The following FGF13 variants were observed in gnomAD, a reference collection of about 807,000 sequenced individuals.
FGF13 encodes fibroblast growth factor 13.
A neutral mutation model predicts 19.5 loss-of-function variants in FGF13; 2 were observed. That is an observed-to-expected ratio of 0.10 (90% CI 0.04 to 0.32). The LOEUF (loss-of-function observed/expected upper bound fraction) is 0.32. FGF13 is among the 10% of genes least tolerant of loss of function. FGF13 has a pLI of 1.00. For synonymous variants in FGF13, 72 were observed against 76.9 expected (o/e 0.94, Z 0.33); for missense variants, 113 against 192.7 (o/e 0.59, Z 2.45).
At chrX:138,916,140 C>G in intron 1 of FGF13, among the ~76,000 whole-genome samples, 1 of 111,753 alleles carries the variant, frequency 8.9e-6, no homozygotes, top group Non-Finnish European at 1.9e-5. Flanking sequence ...AACATCTGTT[C>G]CATAATTCGC....
At chrX:138,770,458 C>A (rs187302744) in intron 3 of FGF13, among the ~76,000 whole-genome samples, 1 of 110,994 alleles carries the variant, frequency 9.0e-6, no homozygotes, top group Non-Finnish European at 1.9e-5. Flanking sequence ...CTTCCACCCC[C>A]TCTTGACTCA....
chrX:138,806,290 AG>A (rs1165926237), intron 3 of FGF13: 1 of 112,410 alleles, frequency 8.9e-6, no homozygotes, highest in Non-Finnish European at 1.9e-5. Context: ...TAGTCATATT[AG>A]GAGCGTGAAT....
chrX:138,996,995 T>C (rs1355532245), intron 1 of FGF13, among the ~76,000 whole-genome samples: 1 of 111,959 alleles, frequency 8.9e-6, no homozygotes, highest in Non-Finnish European at 1.9e-5. Context: ...CAGGCAGCAA[T>C]AGTTGCTGTT....
intron 1 of FGF13, among the ~76,000 whole-genome samples, chrX:139,140,295 A>G (rs758227349): frequency 9.0e-6 from 1 of 111,557 alleles, no homozygotes; most frequent in Admixed American, 9.5e-5. Context: ...AATAAATGAC[A>G]TCACCCCAGT....
At chrX:138,954,095 CGAGAGAGA>C (rs199755534) in intron 1 of FGF13, among the ~76,000 whole-genome samples, 1 of 94,170 alleles carries the variant, frequency 1.1e-5, no homozygotes, top group African/African-American at 3.9e-5. Context: ...GTAAATTTAA[CGAGAGAGA>C]GAGAGAGAGA....
intron 1 of FGF13, among the ~76,000 whole-genome samples, chrX:139,047,726 A>G (rs758172056): frequency 8.9e-6 from 1 of 112,090 alleles, no homozygotes; most frequent in East Asian, 2.8e-4. Context: ...TCCACTTTTC[A>G]TAGTACCTAG....
At chrX:139,090,154 G>A in intron 1 of FGF13, among the ~76,000 whole-genome samples, 1 of 112,031 alleles carries the variant, frequency 8.9e-6, no homozygotes, top group Non-Finnish European at 1.9e-5. Context: ...GCTATAATGT[G>A]TCAAGCACCA....
At chrX:139,129,763 T>C (rs1192836042) in intron 1 of FGF13, among the ~76,000 whole-genome samples, 3 of 111,303 alleles carry the variant, frequency 2.7e-5, no homozygotes, top group Non-Finnish European at 5.7e-5. Context: ...AGATCCTTTA[T>C]TTGCTTGAAA....
intron 1 of FGF13, among the ~76,000 whole-genome samples, chrX:139,079,224 G>A (rs2083353456): frequency 9.0e-6 from 1 of 111,323 alleles, no homozygotes; most frequent in Admixed American, 9.6e-5. Context: ...CTATTTTACA[G>A]GCTGGCATTA....
intron 1 of FGF13, among the ~76,000 whole-genome samples, chrX:138,972,488 C>G (rs1202190416): frequency 1.9e-5 from 2 of 107,706 alleles, no homozygotes; most frequent in Non-Finnish European, 3.8e-5. Flanking sequence ...TTCCGAGTAG[C>G]TGGGACTACA....
At chrX:138,789,343 ATT>A (rs762868458) in intron 3 of FGF13, among the ~76,000 whole-genome samples, 20 of 75,584 alleles carry the variant, frequency 2.6e-4, no homozygotes, top group Admixed American at 2.9e-4. Context: ...TAATTTCCGT[ATT>A]TTTTTTTTTT....
chrX:139,156,127 T>C (rs1449845176), intron 1 of FGF13, among the ~76,000 whole-genome samples: 1 of 112,297 alleles, frequency 8.9e-6, no homozygotes, highest in Non-Finnish European at 1.9e-5. Context: ...ATGATGAACA[T>C]AAAATTGTTT....
intron 1 of FGF13, among the ~76,000 whole-genome samples, chrX:138,898,740 A>G (rs1220287058): frequency 1.8e-5 from 2 of 111,976 alleles, no homozygotes; most frequent in African/African-American, 6.5e-5. Context: ...TTCTTTTAAC[A>G]TCTTCATAAA....
chrX:138,753,771 G>A (rs1431076685), intron 3 of FGF13, among the ~76,000 whole-genome samples: 1 of 112,283 alleles, frequency 8.9e-6, no homozygotes, highest in Admixed American at 9.4e-5. Context: ...AACAAGAATA[G>A]TTCTAGTCTA....
intron 1 of FGF13, among the ~76,000 whole-genome samples, chrX:139,202,042 A>G (rs770457727): frequency 6.0e-4 from 68 of 112,752 alleles, no homozygotes; most frequent in Non-Finnish European, 4.9e-4. Context: ...ACACAAGAAA[A>G]TGTTATGACA....
intron 1 of FGF13, among the ~76,000 whole-genome samples, chrX:139,092,580 AAAC>A (rs2083445920): frequency 1.8e-5 from 2 of 111,851 alleles, no homozygotes; most frequent in Non-Finnish European, 3.8e-5. Flanking sequence ...ACCAATCCTC[AAAC>A]AACAAAAGGC....
chrX:138,668,043 T>A (rs2089571539), intron 3 of FGF13, among the ~76,000 whole-genome samples: 1 of 111,660 alleles, frequency 9.0e-6, no homozygotes, highest in Non-Finnish European at 1.9e-5. Flanking sequence ...TCCATAGTCT[T>A]CCAAGAATTA....
rs765752430 is a variant in FGF13, at chrX:139,097,065, A to G, written c.-113+106351T>C. Among the ~76,000 whole-genome samples the G allele has an allele frequency of 1.6e-4, 18 of 112,349 alleles. 1 individual carries two copies. In the East Asian group the frequency reaches 5.0e-3, roughly 31 times the overall value. ...ACTAGCATAACTTGTGATCATAAATATAAAAATACTAAATAAAATATTAAG... is the reference window on the plus strand; with the variant it reads ...ACTAGCATAACTTGTGATCATAAATGTAAAAATACTAAATAAAATATTAAG... On this transcript the variant is annotated intron_variant, in intron 1 of 2. Transcript: ENST00000421460.
At chrX:138,999,810 G>C (rs1391442276) in intron 1 of FGF13, among the ~76,000 whole-genome samples, 1 of 112,100 alleles carries the variant, frequency 8.9e-6, no homozygotes, top group Non-Finnish European at 1.9e-5. Context: ...AATAGAAAAA[G>C]AGGGAATCTT....
Sources: allele counts gnomAD v4.1 joint callset (sites outside exome capture counted in the v4.1 genomes callset), GRCh38; gene constraint gnomAD v4.1.1; transcripts MANE v1.5; gene names NCBI Gene and HGNC (gene_info 2026-07-23, HGNC 2026-07-21).